RGS17: variants seen among roughly 807,000 people sequenced by gnomAD.
RGS17 encodes the protein regulator of G protein signaling 17.
In RGS17, 12 loss-of-function variants were observed where a neutral mutation model predicts 25.5. The ratio of observed to expected loss-of-function variants is 0.47; its 90% CI spans 0.30 to 0.76. RGS17 has a LOEUF of 0.76. Among genes scored for constraint, RGS17 ranks in the 30% least tolerant of loss-of-function variants. The pLI is 0.07. For synonymous variants in RGS17, 71 were observed against 76.9 expected (o/e 0.92, Z 0.40); for missense variants, 196 against 242.2 (o/e 0.81, Z 1.27).
At chr6:153,127,493 G>A (rs952050837) in intron 1 of RGS17, among the ~76,000 whole-genome samples, 2 of 152,036 alleles carry the variant, frequency 1.3e-5, no homozygotes, top group Admixed American at 1.3e-4. Context: ...CATCCCTCTT[G>A]TATGTCTGAG....
At chr6:153,101,283 G>A (rs1777299718) in intron 1 of RGS17, among the ~76,000 whole-genome samples, 1 of 152,106 alleles carries the variant, frequency 6.6e-6, no homozygotes, top group South Asian at 2.1e-4. Flanking sequence ...TGACCTGCAA[G>A]TACAGTATTC....
At chr6:153,045,288 T>A (rs1415298613) in intron 1 of RGS17, among the ~76,000 whole-genome samples, 1 of 152,144 alleles carries the variant, frequency 6.6e-6, no homozygotes, top group African/African-American at 2.4e-5. Flanking sequence ...TGTTAGATGC[T>A]CCCCTAGGAG....
rs960730440 is a variant in RGS17 at position 153,130,781 on chromosome 6, TC to T, written c.-26+342del. On this transcript the variant is annotated intron_variant, in intron 1 of 4. Coordinates refer to ENST00000206262, the MANE Select transcript of RGS17 (RefSeq NM_012419.5). This position sits in a 1 kb window ranked among gnomAD's most constrained non-coding sequence, Gnocchi z 6.4. Reference sequence around the variant, plus strand: ...GCCGCCCCCAGCAGGCGCCCCGCTCTCCGCGGGAACTCTGGGACCTGGCCGA... The same window carrying T: ...GCCGCCCCCAGCAGGCGCCCCGCTCTCGCGGGAACTCTGGGACCTGGCCGA... Among the ~76,000 whole-genome samples the T allele has an allele frequency of 6.6e-6, 1 of 151,974 alleles. No individual in the cohort carries two copies. The highest frequency in any genetic ancestry group is 2.4e-5 in the African/African-American group (1 of 41,392).
chr6:153,084,658 G>A (rs9322409), intron 1 of RGS17, among the ~76,000 whole-genome samples: 85,529 of 152,086 alleles, frequency 0.56, 24,235 homozygotes, highest in South Asian at 0.63. Flanking sequence ...CTGGAATACA[G>A]TCTCAAGGAG....
At chr6:153,096,837 C>CT (rs1777220645) in intron 1 of RGS17, among the ~76,000 whole-genome samples, 1 of 152,066 alleles carries the variant, frequency 6.6e-6, no homozygotes, top group South Asian at 2.1e-4. Flanking sequence ...GGTAAATTTA[C>CT]TTTTTTTGAA....
chr6:153,123,550 G>A (rs774557924), intron 1 of RGS17, among the ~76,000 whole-genome samples: 3 of 152,116 alleles, frequency 2.0e-5, no homozygotes, highest in Non-Finnish European at 4.4e-5. Flanking sequence ...GCTAGATTTA[G>A]AAATTGCCCT....
chr6:153,115,159 C>T (rs1418912652), intron 1 of RGS17, among the ~76,000 whole-genome samples: 4 of 152,174 alleles, frequency 2.6e-5, no homozygotes, highest in East Asian at 3.8e-4. Flanking sequence ...TTGCAGATAA[C>T]GTGATTGTAT....
chr6:153,012,837 C>T (rs1461522864), intron 4 of RGS17, among the ~76,000 whole-genome samples: 1 of 152,202 alleles, frequency 6.6e-6, no homozygotes, highest in Non-Finnish European at 1.5e-5. Flanking sequence ...TCTTTTCCCA[C>T]CACTGTTCAG....
At position 153,015,755 on chromosome 6, in the gene RGS17, G is replaced by A. The variant is rs545958620; in HGVS notation, c.445-3993C>T. On this transcript the variant is annotated intron_variant, in intron 4 of 4. Transcript: ENST00000206262. ...TGCAAGCTCCGCCTCCCGGGTTCAC[G>A]CCATTGTCCTGCCTCAGCCTCCTGA... Among the ~76,000 whole-genome samples, 25 of 151,774 alleles carry A rather than the reference G, an allele frequency of 1.6e-4. No individual in the cohort carries two copies. In the South Asian group the frequency reaches 4.8e-3, roughly 29 times the overall value.
At chr6:153,096,299 G>A (rs530462363) in intron 1 of RGS17, among the ~76,000 whole-genome samples, 2 of 152,186 alleles carry the variant, frequency 1.3e-5, no homozygotes, top group Non-Finnish European at 2.9e-5. Context: ...TAGCTCTGTC[G>A]TTAACTTGCT....
At chr6:153,040,252 A>G (rs912152033) in intron 2 of RGS17, among the ~76,000 whole-genome samples, 1 of 152,216 alleles carries the variant, frequency 6.6e-6, no homozygotes, top group African/African-American at 2.4e-5. Context: ...AAGCCTGTCT[A>G]AACAGTTTAG....
In RGS17 at chr6:153,026,469, T is replaced by C; in HGVS notation, c.194A>G (p.Gln65Arg). 3 of 1,612,648 alleles carry C rather than the reference T, an allele frequency of 1.9e-6. No individual in the cohort carries two copies. The highest frequency in any genetic ancestry group is 2.5e-6 in the Non-Finnish European group (3 of 1,178,910). ...TCACACTCACCATTCCTCTAGGACCTGGATACTCTCCATTTTTGTAGTGTG... is the reference window on the plus strand; with the variant it reads ...TCACACTCACCATTCCTCTAGGACCCGGATACTCTCCATTTTTGTAGTGTG... ...PTHTTKMESI[Q>R]VLEECQNPTA... Residue 65 changes from glutamine to arginine, a missense_variant, in exon 3 of 5, where the codon CAG becomes CGG. Transcript: ENST00000206262.
intron 1 of RGS17, among the ~76,000 whole-genome samples, chr6:153,128,242 G>A (rs926262471): frequency 3.9e-5 from 6 of 152,200 alleles, no homozygotes; most frequent in African/African-American, 1.4e-4. Flanking sequence ...CCAATCAGGT[G>A]AAATAAAATG....
At chr6:153,114,051 G>C (rs763890591) in intron 1 of RGS17, among the ~76,000 whole-genome samples, 1 of 152,036 alleles carries the variant, frequency 6.6e-6, no homozygotes, top group African/African-American at 2.4e-5. Flanking sequence ...AAATTCAAAA[G>C]CTAGCAAAAG....
intron 1 of RGS17, among the ~76,000 whole-genome samples, chr6:153,081,572 T>A (rs554548713): frequency 6.6e-6 from 1 of 152,162 alleles, no homozygotes; most frequent in South Asian, 2.1e-4. Flanking sequence ...ACTTATACGG[T>A]TGGTTTTAGT....
At chr6:153,080,837 T>C (rs1452498501) in intron 1 of RGS17, among the ~76,000 whole-genome samples, 1 of 151,468 alleles carries the variant, frequency 6.6e-6, no homozygotes, top group Non-Finnish European at 1.5e-5. Flanking sequence ...TCATTTCTCC[T>C]GTTTTTTTTT....
chr6:153,069,099 C>A (rs985541556), intron 1 of RGS17, among the ~76,000 whole-genome samples: 1 of 152,164 alleles, frequency 6.6e-6, no homozygotes, highest in Non-Finnish European at 1.5e-5. Context: ...AACCCCACTG[C>A]TGGGTACATA....
At chr6:153,092,417 T>A (rs1230088863) in intron 1 of RGS17, among the ~76,000 whole-genome samples, 1 of 152,208 alleles carries the variant, frequency 6.6e-6, no homozygotes, top group East Asian at 1.9e-4. Context: ...ATATGTTTCA[T>A]GAAGCTCTCT....
chr6:153,104,058 C>G (rs1192844299), intron 1 of RGS17, among the ~76,000 whole-genome samples: 6 of 152,116 alleles, frequency 3.9e-5, no homozygotes, highest in African/African-American at 1.2e-4. Context: ...ATATTTCAAT[C>G]AGTTGTGAGA....
Sources: gnomAD v4.1 joint callset for allele counts (sites outside exome capture counted in the v4.1 genomes callset) on GRCh38, gnomAD v4.1.1 for gene constraint, Gnocchi (gnomAD v3.1) non-coding constraint, MANE v1.5 for transcripts, NCBI Gene and HGNC (gene_info 2026-07-23, HGNC 2026-07-21) for gene names.